XRN1: variants seen among roughly 807,000 people sequenced by gnomAD.
The protein encoded by XRN1 is strand-exchange protein 1 homolog.
In XRN1, 67 loss-of-function variants were observed where a neutral mutation model predicts 222.3. That is an observed-to-expected ratio of 0.30 (90% CI 0.25 to 0.37). XRN1 has a LOEUF of 0.37. Ranked by LOEUF, XRN1 falls within the 10% of genes least tolerant of loss-of-function variation. The probability of loss-of-function intolerance (pLI) is 1.00; values close to 1 mark genes in which losing one functional copy is unlikely to be tolerated. For missense variants in XRN1, 1,707 were observed against 2,000.2 expected (o/e 0.85, Z 2.80); for synonymous variants, 643 against 652.4 (o/e 0.99, Z 0.22).
chr3:142,400,625 T>G (rs1264950158), intron 18 of XRN1, 78 bp from the exon 19 acceptor site: 1 of 1,130,494 alleles, frequency 8.8e-7, no homozygotes, highest in Non-Finnish European at 1.3e-6. Context: ...TTTTCCAATC[T>G]CCATTTAAGT....
chr3:142,395,039 C>T (rs187523562), intron 20 of XRN1, among the ~76,000 whole-genome samples: 215 of 152,296 alleles, frequency 1.4e-3, no homozygotes, highest in Non-Finnish European at 2.6e-3. Context: ...TACATTCTTC[C>T]TGCAAAAGTC....
chr3:142,354,315 A>G (rs2066400229), intron 32 of XRN1, among the ~76,000 whole-genome samples: 1 of 152,184 alleles, frequency 6.6e-6, no homozygotes, highest in African/African-American at 2.4e-5. Context: ...GAATGCTTAT[A>G]AACTCCTGGT....
At chr3:142,412,748 A>G (rs1002289071) in intron 14 of XRN1, 85 bp from the exon 15 acceptor site, 7 of 1,131,352 alleles carry the variant, frequency 6.2e-6, no homozygotes, top group Non-Finnish European at 8.2e-6. Context: ...ATATTTCCTC[A>G]TGTTAGTTTA....
At position 142,432,737 on chromosome 3, in the gene XRN1, T is replaced by A; in HGVS notation, c.232A>T (p.Arg78Trp). 1 of 1,613,688 alleles carries A rather than the reference T, an allele frequency of 6.2e-7. No individual in the cohort carries two copies. The highest frequency in any genetic ancestry group is 8.5e-7 in the Non-Finnish European group (1 of 1,179,830). Residue 78 changes from arginine to tryptophan, a missense_variant, in exon 2 of 41, where the codon AGG (arginine) becomes TGG (tryptophan). Coordinates refer to ENST00000392981, the MANE Select transcript of XRN1 (RefSeq NM_001282857.2). ...LEVLFRIIKP[R>W]KVFFMAVDGV... ...TCTACAGCCATAAAGAACACTTTCC[T>A]GGGTTTAATAATGCGAAACAACACC...
At chr3:142,411,922 A>G (rs1262264283) in intron 15 of XRN1, among the ~76,000 whole-genome samples, 1 of 149,956 alleles carries the variant, frequency 6.7e-6, no homozygotes, top group Non-Finnish European at 1.5e-5. Context: ...CCGGGGGTTC[A>G]CGCCATTCTC....
intron 21 of XRN1, among the ~76,000 whole-genome samples, chr3:142,384,271 CA>C (rs369012282): frequency 1.7e-3 from 89 of 52,676 alleles, no homozygotes; most frequent in East Asian, 0.01. Flanking sequence ...GACTCTGTCT[CA>C]AAAAAAAAAA....
intron 33 of XRN1, among the ~76,000 whole-genome samples, chr3:142,337,067 A>G (rs1193442206): frequency 2.0e-5 from 3 of 152,146 alleles, no homozygotes; most frequent in Non-Finnish European, 4.4e-5. Flanking sequence ...CCTATAATAT[A>G]TAGATAAATA....
intron 36 of XRN1, among the ~76,000 whole-genome samples, chr3:142,331,738 T>G (rs1016148605): frequency 1.8e-4 from 27 of 152,330 alleles, no homozygotes; most frequent in African/African-American, 6.5e-4. Flanking sequence ...AGACATTTAG[T>G]GACTGTAGAT....
At chr3:142,403,602 G>A (rs2068228195) in intron 18 of XRN1, 72 bp downstream of exon 18, 3 of 1,405,102 alleles carry the variant, frequency 2.1e-6, no homozygotes, top group Admixed American at 3.7e-5. Flanking sequence ...TACCTCCCTG[G>A]TAAACATCCC....
Position 142,362,284 on chromosome 3 carries a change from T to C in XRN1, c.3395-2353A>G, listed in dbSNP as rs542201682. ...TCCCAAGTAGCTGGGATTACAGGCA[T>C]GCACCACCATGCCTGGCTAATTTTT... On this transcript the variant is annotated intron_variant, in intron 29 of 40. Coordinates refer to ENST00000392981, the MANE Select transcript of XRN1 (RefSeq NM_001282857.2). 6.6e-5 allele frequency among the ~76,000 whole-genome samples: 10 copies of C among 152,192 alleles called. No homozygotes were observed. The East Asian group carries it at 1.5e-3, about 24-fold the overall frequency.
chr3:142,419,456 A>G (rs1276892874), intron 10 of XRN1, among the ~76,000 whole-genome samples: 1 of 152,194 alleles, frequency 6.6e-6, no homozygotes, highest in African/African-American at 2.4e-5. Context: ...CCCCTCCTGG[A>G]GCAAGAGTCA....
chr3:142,332,319 CA>C, intron 36 of XRN1, 55 bp downstream of exon 36: 2 of 1,278,052 alleles, frequency 1.6e-6, no homozygotes, highest in South Asian at 3.1e-5. Context: ...TAAAAAGAAC[CA>C]AATGAATTGA....
chr3:142,406,840 G>A (rs2108042619), intron 15 of XRN1, among the ~76,000 whole-genome samples: 1 of 152,260 alleles, frequency 6.6e-6, no homozygotes, highest in East Asian at 1.9e-4. Flanking sequence ...GCTGGAGGAT[G>A]AGCACAACAG....
chr3:142,322,097 G>C (rs2065371130), intron 37 of XRN1, among the ~76,000 whole-genome samples: 2 of 152,162 alleles, frequency 1.3e-5, no homozygotes, highest in Non-Finnish European at 2.9e-5. Flanking sequence ...TCAAGAACTG[G>C]ATATAAAGAG....
intron 10 of XRN1, among the ~76,000 whole-genome samples, chr3:142,419,690 C>T (rs1436070455): frequency 6.6e-6 from 1 of 151,962 alleles, no homozygotes; most frequent in Non-Finnish European, 1.5e-5. Flanking sequence ...ACCTCTAATC[C>T]CAGGTACTCA....
intron 25 of XRN1, among the ~76,000 whole-genome samples, chr3:142,372,460 C>T (rs1348427905): frequency 6.6e-6 from 1 of 152,092 alleles, no homozygotes; most frequent in Non-Finnish European, 1.5e-5. Flanking sequence ...GACCAATTCT[C>T]AATGAATTCC....
At chr3:142,398,884 T>C (rs941767302) in intron 19 of XRN1, among the ~76,000 whole-genome samples, 1 of 152,022 alleles carries the variant, frequency 6.6e-6, no homozygotes, top group Non-Finnish European at 1.5e-5. Context: ...AAAATCAACA[T>C]AAAAAATCAA....
chr3:142,413,904 A>G (rs565449605), intron 14 of XRN1, among the ~76,000 whole-genome samples: 1 of 152,216 alleles, frequency 6.6e-6, no homozygotes, highest in Non-Finnish European at 1.5e-5. Context: ...AAGGTGCTGA[A>G]AATGAAGCCA....
Position 142,310,151 on chromosome 3 carries a change from C to G in XRN1, c.*1360G>C, listed in dbSNP as rs2065046915. On this transcript the variant is annotated 3_prime_UTR_variant, in exon 41 of 41. Transcript: ENST00000392981. The stretch of plus-strand genomic sequence containing the variant: ...TGAAAGGAGTCCATTTAGTTTAATA[C>G]CAGCATTTTAAAAAACAAGTAAGAC... 6.6e-6 allele frequency: 1 copy of G among 152,480 alleles called. No homozygotes were observed. The highest frequency in any genetic ancestry group is 1.5e-5 in the Non-Finnish European group (1 of 68,000). The allele number at this position is 152,480 out of a possible 1,614,324, so 9.4% of individuals were successfully genotyped here. A position where few individuals can be genotyped will look rare whatever the true frequency, so the allele number is the denominator to read the frequency against.
Sources: allele counts gnomAD v4.1 joint callset (sites outside exome capture counted in the v4.1 genomes callset), GRCh38; gene constraint gnomAD v4.1.1; transcripts MANE v1.5; gene names NCBI Gene and HGNC (gene_info 2026-07-23, HGNC 2026-07-21).